The following SORCS1 variants were observed in gnomAD, a reference collection of about 807,000 sequenced individuals.
SORCS1 encodes VPS10 domain-containing receptor SorCS1.
SORCS1 carries 60 observed loss-of-function variants against 146.1 expected under a neutral mutation model. The ratio of observed to expected loss-of-function variants is 0.41; its 90% CI spans 0.33 to 0.51. The LOEUF (loss-of-function observed/expected upper bound fraction) is 0.51. Among genes scored for constraint, SORCS1 ranks in the 20% least tolerant of loss-of-function variants. SORCS1 has a pLI of 0.21. For missense variants in SORCS1, 1,352 were observed against 1,487.6 expected, an observed-to-expected ratio of 0.91 and a Z score of 1.50; for synonymous variants, 637 against 584.0, an observed-to-expected ratio of 1.09 and a Z score of -1.31.
chr10:106,953,316 T>C (rs1954789217), intron 2 of SORCS1, among the ~76,000 whole-genome samples: 1 of 152,066 alleles, frequency 6.6e-6, no homozygotes, highest in Non-Finnish European at 1.5e-5. Context: ...TTACTGACCT[T>C]CTCCTTGGTA....
chr10:107,145,964 T>G (rs1968288087), intron 1 of SORCS1, among the ~76,000 whole-genome samples: 1 of 152,210 alleles, frequency 6.6e-6, no homozygotes, highest in Admixed American at 6.5e-5. Flanking sequence ...CATCATTTTG[T>G]CATGTACACA....
intron 1 of SORCS1, among the ~76,000 whole-genome samples, chr10:106,999,248 C>A (rs2418833): frequency 0.22 from 33,344 of 152,052 alleles, 4,439 homozygotes; most frequent in Middle Eastern, 0.32. Context: ...CTGCCACCAC[C>A]AAACATACAT....
At chr10:106,817,402 C>T (rs1947796420) in intron 3 of SORCS1, among the ~76,000 whole-genome samples, 2 of 152,164 alleles carry the variant, frequency 1.3e-5, no homozygotes, top group African/African-American at 4.8e-5. Context: ...AAGTACTAAT[C>T]ATTGGAACAC....
At chr10:107,001,812 C>T (rs1957235070) in intron 1 of SORCS1, among the ~76,000 whole-genome samples, 1 of 152,186 alleles carries the variant, frequency 6.6e-6, no homozygotes, top group Non-Finnish European at 1.5e-5. Context: ...AGCTTAACAG[C>T]TATTTATTAA....
intron 6 of SORCS1, among the ~76,000 whole-genome samples, chr10:106,711,906 C>T (rs1855019615): frequency 6.6e-6 from 1 of 152,106 alleles, no homozygotes; most frequent in Non-Finnish European, 1.5e-5. Flanking sequence ...CTTCTGTTTT[C>T]CAAAATGTAG....
intron 1 of SORCS1, among the ~76,000 whole-genome samples, chr10:107,108,349 C>T (rs2134434411): frequency 6.6e-6 from 1 of 152,302 alleles, no homozygotes; most frequent in South Asian, 2.1e-4. Context: ...GTGCTGGCAT[C>T]TGCTTGGCTT....
At chr10:107,027,758 TA>T (rs2133910265) in intron 1 of SORCS1, among the ~76,000 whole-genome samples, 1 of 152,300 alleles carries the variant, frequency 6.6e-6, no homozygotes, top group South Asian at 2.1e-4. Context: ...GGTCCATATA[TA>T]CAGAATTACT....
chr10:107,172,009 A>G, the SORCS1 span, among the ~76,000 whole-genome samples: 9 of 152,114 alleles, frequency 5.9e-5, no homozygotes, highest in African/African-American at 1.2e-4. Context: ...AGGCCTGTTC[A>G]TTTTCTAAAA....
intron 1 of SORCS1, among the ~76,000 whole-genome samples, chr10:106,996,814 A>C (rs1409974366): frequency 6.6e-6 from 1 of 152,202 alleles, no homozygotes; most frequent in Admixed American, 6.5e-5. Flanking sequence ...AAGAGACTTA[A>C]ACTCAATGTT....
chr10:106,595,222 A>C (rs540549535), intron 24 of SORCS1, among the ~76,000 whole-genome samples: 1 of 152,296 alleles, frequency 6.6e-6, no homozygotes, highest in East Asian at 1.9e-4. Flanking sequence ...TTTTACCAGC[A>C]ATAGCAGTTT....
chr10:106,820,811 A>G (rs1238184225), intron 3 of SORCS1, among the ~76,000 whole-genome samples: 1 of 152,212 alleles, frequency 6.6e-6, no homozygotes, highest in East Asian at 1.9e-4. Flanking sequence ...CCCCTGAGAA[A>G]CCACAGGGAG....
intron 1 of SORCS1, among the ~76,000 whole-genome samples, chr10:107,160,869 T>C (rs1018616286): frequency 3.3e-5 from 5 of 152,212 alleles, no homozygotes; most frequent in Admixed American, 6.5e-5. Context: ...ATATATATTT[T>C]AACACTCTAA....
intron 8 of SORCS1, among the ~76,000 whole-genome samples, chr10:106,699,674 A>G (rs945717248): frequency 2.0e-5 from 3 of 152,232 alleles, no homozygotes; most frequent in African/African-American, 7.2e-5. Context: ...ATGCTTTCTT[A>G]AATATGTATG....
chr10:106,657,661 ATGTGTGTG>A (rs10561308), intron 17 of SORCS1, among the ~76,000 whole-genome samples: 20 of 145,330 alleles, frequency 1.4e-4, no homozygotes, highest in Middle Eastern at 3.6e-3. Context: ...ATAACACTAT[ATGTGTGTG>A]TGTGTGTGTG....
chr10:106,709,220 T>C lies in SORCS1; in HGVS notation c.1143+3A>G, dbSNP rs776959308. ...ACAATCAACAGAAGTGGATTTTTCC[T>C]ACCTGAACAAACACATAATGATCCT... On this transcript the variant is annotated splice_donor_region_variant and intron_variant, in intron 7 of 25. Coordinates refer to ENST00000263054, the MANE Select transcript of SORCS1 (RefSeq NM_052918.5). 4.4e-6 allele frequency: 7 copies of C among 1,607,838 alleles called. No individual in the cohort carries two copies. The Admixed American group carries it at 5.0e-5, about 12-fold the overall frequency.
At chr10:106,961,996 C>A (rs1224267658) in intron 1 of SORCS1, among the ~76,000 whole-genome samples, 3 of 152,154 alleles carry the variant, frequency 2.0e-5, no homozygotes, top group African/African-American at 7.2e-5. Context: ...CCAAGCTAAG[C>A]CCCAATTGTG....
At position 107,008,597 on chromosome 10, in the gene SORCS1, A is replaced by G. The variant is rs553686772; in HGVS notation, c.559-52017T>C. 7.4e-4 allele frequency among the ~76,000 whole-genome samples: 112 copies of G among 152,364 alleles called. 1 individual carries two copies. The highest frequency in any genetic ancestry group is 1.2e-3 in the Non-Finnish European group (81 of 68,042). On this transcript the variant is annotated intron_variant, in intron 1 of 25. Transcript: ENST00000263054. ...ACGGTACAATTAGAAACAATATTTG[A>G]TAATGTATTTCAGAGATGGAGCTAA...
At chr10:106,739,670 T>C (rs1405208700) in intron 5 of SORCS1, among the ~76,000 whole-genome samples, 1 of 150,010 alleles carries the variant, frequency 6.7e-6, no homozygotes, top group Non-Finnish European at 1.5e-5. Context: ...TATATATATA[T>C]AGCTGGGTGT....
intron 24 of SORCS1, among the ~76,000 whole-genome samples, chr10:106,584,346 G>A (rs956493671): frequency 2.0e-4 from 30 of 152,216 alleles, no homozygotes; most frequent in African/African-American, 7.2e-4. Flanking sequence ...GACTAGACTA[G>A]GTGGGAATTT....
Sources: allele counts gnomAD v4.1 joint callset (sites outside exome capture counted in the v4.1 genomes callset), GRCh38; gene constraint gnomAD v4.1.1; transcripts MANE v1.5; gene names NCBI Gene and HGNC (gene_info 2026-07-23, HGNC 2026-07-21).